The following ARPC3 variants were observed in gnomAD, a reference collection of about 807,000 sequenced individuals.
The protein encoded by ARPC3 is actin-related protein 2/3 complex subunit 3.
Under a neutral mutation model 27.6 loss-of-function variants are expected in ARPC3, and 12 were observed. The observed-to-expected ratio is 0.43, with a 90% CI of 0.28 to 0.70. The LOEUF (loss-of-function observed/expected upper bound fraction) is 0.70, where lower values mean the gene tolerates loss of function less well. ARPC3 is among the 30% of genes least tolerant of loss of function. The probability of loss-of-function intolerance (pLI) is 0.17; values close to 1 mark genes in which losing one functional copy is unlikely to be tolerated. For synonymous variants in ARPC3, 53 were observed against 67.2 expected (o/e 0.79, Z 1.03); for missense variants, 153 against 207.7 (o/e 0.74, Z 1.62).
rs1331760544 is a variant in ARPC3, at chr12:110,436,715, C to CACAT, written c.253-33_253-32insATGT. 4.2e-4 allele frequency: 160 copies of CACAT among 381,280 alleles called. 1 individual carries two copies. The highest frequency in any genetic ancestry group is 5.3e-4 in the Non-Finnish European group (123 of 230,342). 23.6% of individuals were successfully genotyped at this position (381,280 alleles called of 1,614,324 possible). A position where few individuals can be genotyped will look rare whatever the true frequency, so the allele number is the denominator to read the frequency against. On this transcript the variant is annotated intron_variant, in intron 4 of 6. Coordinates refer to ENST00000228825, the MANE Select transcript of ARPC3 (RefSeq NM_001278556.2). Reference sequence around the variant, plus strand: ...AAAAAAATATATATATATATATACACACACACACACACACACACACACACA... The same window carrying CACAT: ...AAAAAAATATATATATATATATACACACATACACACACACACACACACACACACA...
At chr12:110,443,883 T>G (rs1019004639) in intron 2 of ARPC3, among the ~76,000 whole-genome samples, 2 of 152,170 alleles carry the variant, frequency 1.3e-5, no homozygotes, top group Non-Finnish European at 2.9e-5. Flanking sequence ...ATAAAAGGCA[T>G]TCTACAGATA....
intron 4 of ARPC3, 188 bp from the exon 5 acceptor site, chr12:110,436,871 G>A (rs1030763106): frequency 6.0e-6 from 4 of 662,130 alleles, no homozygotes; most frequent in Non-Finnish European, 1.0e-5. Flanking sequence ...TATATTCAAA[G>A]CCTTAAAACA....
intron 2 of ARPC3, among the ~76,000 whole-genome samples, chr12:110,441,374 G>A (rs2062436849): frequency 1.3e-5 from 2 of 151,642 alleles, no homozygotes; most frequent in Admixed American, 6.6e-5. Context: ...CTCGTGATCT[G>A]CCTGCCTCAG....
intron 1 of ARPC3, 118 bp downstream of exon 1, chr12:110,450,137 T>G: frequency 1.4e-6 from 2 of 1,450,098 alleles, no homozygotes; most frequent in Non-Finnish European, 1.9e-6. Context: ...GCCTCCCTCC[T>G]TCTCGGGCCC....
rs369257652 is a variant in ARPC3, at chr12:110,436,698, ATAT to A, written c.253-18_253-16del. The A allele has an allele frequency of 0.051, 32,441 of 630,668 alleles. 5,230 individuals carry two copies. Among genetic ancestry groups the A allele is most frequent in the Admixed American group, 0.1 (3,847 of 37,550 alleles). 39.1% of individuals were successfully genotyped at this position (630,668 alleles called of 1,614,324 possible). A position where few individuals can be genotyped will look rare whatever the true frequency, so the allele number is the denominator to read the frequency against. On this transcript the variant is annotated splice_polypyrimidine_tract_variant and intron_variant, in intron 4 of 6. Transcript: ENST00000228825. ...TTGGAATTGCACTGGAAAAAAAAAT[ATAT>A]ATATATATATACACACACACACACA...
intron 2 of ARPC3, 27 bp downstream of exon 2, chr12:110,445,425 A>C: frequency 6.5e-7 from 1 of 1,543,604 alleles, no homozygotes; most frequent in South Asian, 1.1e-5. Flanking sequence ...TCGTACCAAA[A>C]TTTGAAAATA....
chr12:110,436,423 AATAAG>A, intron 5 of ARPC3, 129 bp downstream of exon 5: 1 of 1,450,678 alleles, frequency 6.9e-7, no homozygotes. Context: ...GAGAGTGACT[AATAAG>A]ATAATGTACT....
intron 2 of ARPC3, among the ~76,000 whole-genome samples, chr12:110,441,437 A>C (rs1240950691): frequency 6.6e-6 from 1 of 152,144 alleles, no homozygotes; most frequent in African/African-American, 2.4e-5. Flanking sequence ...GGATTTTCAG[A>C]AAATATTTAT....
In ARPC3 at chr12:110,434,947, C is replaced by T. The variant is rs939826979; in HGVS notation, c.*208G>A. ...ATTATTACTTATTCTTATTAAGCGC[C>T]AGCTTTAATGCTGCAGAAAATTTCA... On this transcript the variant is annotated 3_prime_UTR_variant, in exon 7 of 7. Transcript: ENST00000228825. 1 of 707,430 alleles carries T rather than the reference C, an allele frequency of 1.4e-6. No homozygotes were observed. 43.8% of individuals were successfully genotyped at this position (707,430 alleles called of 1,614,324 possible). A position where few individuals can be genotyped will look rare whatever the true frequency, so the allele number is the denominator to read the frequency against.
rs1373520714 is a variant in ARPC3 at position 110,435,092 on chromosome 12, T to G, written c.*63A>C. ...ACTTTACGAAATAAAGGCAAAAGAT[T>G]GTGTACATCTTGCTGGAAAATGCTG... On this transcript the variant is annotated 3_prime_UTR_variant, in exon 7 of 7. Transcript: ENST00000228825. 8.0e-7 allele frequency: 1 copy of G among 1,248,564 alleles called. No individual in the cohort carries two copies. Among genetic ancestry groups the G allele is most frequent in the African/African-American group, 1.5e-5 (1 of 67,806 alleles). 77.3% of individuals were successfully genotyped at this position (1,248,564 alleles called of 1,614,324 possible). A position where few individuals can be genotyped will look rare whatever the true frequency, so the allele number is the denominator to read the frequency against.
chr12:110,442,861 T>C (rs560155163), intron 2 of ARPC3: 9 of 152,262 alleles, frequency 5.9e-5, no homozygotes, highest in Non-Finnish European at 1.0e-4. Context: ...ACACAATTTG[T>C]TTGGCAATTT....
chr12:110,450,065 C>T (rs916752882), intron 1 of ARPC3, among the ~76,000 whole-genome samples, 190 bp downstream of exon 1: 6 of 152,228 alleles, frequency 3.9e-5, no homozygotes, highest in African/African-American at 1.4e-4. Context: ...GCCGCGCCCC[C>T]GCCTCCCACG....
chr12:110,439,965 TAC>T (rs776184207), intron 3 of ARPC3, among the ~76,000 whole-genome samples: 37 of 152,226 alleles, frequency 2.4e-4, no homozygotes, highest in Non-Finnish European at 4.7e-4. Flanking sequence ...TTGTGGGCCA[TAC>T]AGTCTTTGTC....
chr12:110,448,068 C>T (rs1290843491), intron 1 of ARPC3, among the ~76,000 whole-genome samples: 1 of 151,694 alleles, frequency 6.6e-6, no homozygotes, highest in Non-Finnish European at 1.5e-5. Context: ...TTTGTAGAGG[C>T]AGGGTCTCAT....
In ARPC3 at chr12:110,435,237, C is replaced by T. The variant is rs746918995; in HGVS notation, c.475-20G>A. 2 of 1,579,752 alleles carry T rather than the reference C, an allele frequency of 1.3e-6. No homozygotes were observed. The highest frequency in any genetic ancestry group is 4.5e-5 in the East Asian group (2 of 44,746). ...CCACCACTAACAAGAGAGAACAACA[C>T]AGAATGAACAGCGGGGTCAAATTAC... On this transcript the variant is annotated intron_variant, in intron 6 of 6. Transcript: ENST00000228825.
At chr12:110,440,783 T>C (rs1244405173) in intron 2 of ARPC3, among the ~76,000 whole-genome samples, 1 of 151,358 alleles carries the variant, frequency 6.6e-6, no homozygotes, top group African/African-American at 2.4e-5. Flanking sequence ...CCTGACCGCG[T>C]GATCCGCCCA....
intron 1 of ARPC3, among the ~76,000 whole-genome samples, chr12:110,448,810 A>C (rs1592956768): frequency 2.3e-4 from 25 of 106,612 alleles, no homozygotes; most frequent in African/African-American, 3.0e-4. Flanking sequence ...ACAGAGTCTC[A>C]CTCTGTCACT....
At chr12:110,444,191 G>C (rs2062452597) in intron 2 of ARPC3, among the ~76,000 whole-genome samples, 1 of 151,894 alleles carries the variant, frequency 6.6e-6, no homozygotes, top group African/African-American at 2.4e-5. Flanking sequence ...CGCTGGTCTT[G>C]AACTCCTGAA....
At position 110,440,355 on chromosome 12, in the gene ARPC3, T is replaced by C. The variant is rs544543037; in HGVS notation, c.140A>G (p.Tyr47Cys). 3.4e-5 allele frequency: 55 copies of C among 1,611,924 alleles called. 1 individual carries two copies. The African/African-American group carries it at 5.5e-4, about 16-fold the overall frequency. ...KDTDIVDEAI[Y>C]YFKANVFFKN... The stretch of plus-strand genomic sequence containing the variant: ...GAAGAAGACATTGGCCTTGAAGTAA[T>C]AGATGGCTTCATCCACAATATCTGT... The change falls in exon 3 of 7, where the codon TAT (tyrosine) becomes TGT (cysteine). Residue 47 changes from tyrosine to cysteine, a missense_variant. Physicochemically the swap from Tyr to Cys is radical, Grantham distance 194 (BLOSUM62 -2). Transcript: ENST00000228825.
Sources: gnomAD v4.1 joint callset for allele counts (sites outside exome capture counted in the v4.1 genomes callset) on GRCh38, gnomAD v4.1.1 for gene constraint, MANE v1.5 for transcripts, NCBI Gene and HGNC (gene_info 2026-07-23, HGNC 2026-07-21) for gene names.